Variants in UBE3A observed in about 807,000 individuals in gnomAD.
UBE3A encodes the protein ubiquitin-protein ligase E3A.
In UBE3A, 6 loss-of-function variants were observed where a neutral mutation model predicts 83.4. The ratio of observed to expected loss-of-function variants is 0.07; its 90% CI spans 0.04 to 0.14. The LOEUF (loss-of-function observed/expected upper bound fraction) is 0.14. Ranked by LOEUF, UBE3A falls within the 10% of genes least tolerant of loss-of-function variation. UBE3A has a pLI of 1.00. For synonymous variants in UBE3A, 337 were observed against 355.4 expected (o/e 0.95, Z 0.58); for missense variants, 456 against 1,036.1 (o/e 0.44, Z 7.69).
chr15:25,357,851 T>C (rs1378604069), intron 7 of UBE3A, among the ~76,000 whole-genome samples: 1 of 151,630 alleles, frequency 6.6e-6, no homozygotes, highest in Non-Finnish European at 1.5e-5. Context: ...AGTAGTTTCG[T>C]AGTCTTTCAA....
intron 11 of UBE3A, chr15:25,347,112 A>G (rs1310865248): frequency 2.0e-5 from 3 of 152,230 alleles, no homozygotes; most frequent in Non-Finnish European, 4.4e-5. Flanking sequence ...AGACTGGCTA[A>G]TGGAAGTAAT....
At chr15:25,380,271 T>C (rs888696631) in intron 4 of UBE3A, among the ~76,000 whole-genome samples, 7 of 152,138 alleles carry the variant, frequency 4.6e-5, no homozygotes, top group Non-Finnish European at 8.8e-5. Context: ...GGTACGTCTT[T>C]ATCAGCAGCG....
At chr15:25,376,478 T>G (rs1402413631) in intron 4 of UBE3A, among the ~76,000 whole-genome samples, 1 of 151,810 alleles carries the variant, frequency 6.6e-6, no homozygotes, top group African/African-American at 2.4e-5. Context: ...GAGGCTACTC[T>G]CTACAAACTT....
At position 25,426,559 on chromosome 15, in the gene UBE3A, CT is replaced by C. The variant is rs1377964719; in HGVS notation, c.-165+11929del. ...TAGCTACATTATTTTCAAGTTTAATCTGTTACATTCACCTGCCTATCAAATA... is the reference window on the plus strand; with the variant it reads ...TAGCTACATTATTTTCAAGTTTAATCGTTACATTCACCTGCCTATCAAATA... On this transcript the variant is annotated intron_variant, in intron 1 of 12. Transcript: ENST00000648336. Among the ~76,000 whole-genome samples, 16 of 152,300 alleles carry C rather than the reference CT, an allele frequency of 1.1e-4. No individual in the cohort carries two copies. The East Asian group carries it at 3.1e-3, about 29-fold the overall frequency.
intron 1 of UBE3A, among the ~76,000 whole-genome samples, chr15:25,415,512 T>C (rs908295811): frequency 2.0e-5 from 3 of 152,128 alleles, no homozygotes; most frequent in Admixed American, 6.6e-5. Flanking sequence ...CACTCGGAAA[T>C]GGTCCTCTAT....
chr15:25,336,199 G>A lies in UBE3A; in HGVS notation c.*2938C>T, dbSNP rs1177562172. On this transcript the variant is annotated 3_prime_UTR_variant, in exon 13 of 13. Coordinates refer to ENST00000648336, the MANE Select transcript of UBE3A (RefSeq NM_130839.5). Reference sequence around the variant, plus strand: ...AAAGGAGACAAGTGAGGGAGCAAATGGAAGGTGTGTTTTTGGATTATACAG... The same window carrying A: ...AAAGGAGACAAGTGAGGGAGCAAATAGAAGGTGTGTTTTTGGATTATACAG... 12 of 152,212 alleles carry A rather than the reference G, an allele frequency of 7.9e-5. No individual in the cohort carries two copies. Among genetic ancestry groups the A allele is most frequent in the Admixed American group, 7.9e-4 (12 of 15,268 alleles). The allele number at this position is 152,212 out of a possible 1,614,324, so 9.4% of individuals were successfully genotyped here.
intron 1 of UBE3A, among the ~76,000 whole-genome samples, chr15:25,431,069 C>T (rs1291455956): frequency 1.3e-5 from 2 of 152,262 alleles, no homozygotes; most frequent in East Asian, 1.9e-4. Flanking sequence ...TAGCTCAGTT[C>T]GTCTAATACA....
In UBE3A at chr15:25,356,987, T is replaced by A. The variant is rs903491583; in HGVS notation, c.1754-91A>T. On this transcript the variant is annotated intron_variant, in intron 7 of 12. Transcript: ENST00000648336. ...AATATAAACTTAAAATAATTATGCATATAAAACATTTAAAATATATGTAAT... is the reference window on the plus strand; with the variant it reads ...AATATAAACTTAAAATAATTATGCAAATAAAACATTTAAAATATATGTAAT... 3 of 1,087,408 alleles carry A rather than the reference T, an allele frequency of 2.8e-6. No individual in the cohort carries two copies. In the African/African-American group the frequency reaches 4.8e-5, roughly 17 times the overall value. The allele number at this position is 1,087,408 out of a possible 1,614,324, so 67.4% of individuals were successfully genotyped here. A position where few individuals can be genotyped will look rare whatever the true frequency, so the allele number is the denominator to read the frequency against.
intron 6 of UBE3A, among the ~76,000 whole-genome samples, chr15:25,363,384 C>T (rs560811786): frequency 6.6e-6 from 1 of 152,218 alleles, no homozygotes; most frequent in African/African-American, 2.4e-5. Context: ...TTTCTGAAAA[C>T]CTACCATAGC....
At chr15:25,435,871 C>T (rs1894912865) in intron 1 of UBE3A, among the ~76,000 whole-genome samples, 1 of 152,160 alleles carries the variant, frequency 6.6e-6, no homozygotes, top group Non-Finnish European at 1.5e-5. Context: ...GGATAACATG[C>T]TGTAGTCCAC....
chr15:25,391,524 C>G (rs2084383316), intron 4 of UBE3A: 1 of 152,160 alleles, frequency 6.6e-6, no homozygotes, highest in African/African-American at 2.4e-5. Context: ...CCATTGTTTT[C>G]TTTACCTCTT....
In UBE3A at chr15:25,334,330, G is replaced by A. The variant is rs1264701913; in HGVS notation, c.*4807C>T. ...TAATCATATAATTAAAGTGGCATCAGTAAAATACTTAGAAAAAAATTAAAG... is the reference window on the plus strand; with the variant it reads ...TAATCATATAATTAAAGTGGCATCAATAAAATACTTAGAAAAAAATTAAAG... On this transcript the variant is annotated 3_prime_UTR_variant, in exon 13 of 13. Transcript: ENST00000648336. 6.6e-6 allele frequency: 1 copy of A among 151,938 alleles called. No individual in the cohort carries two copies. Among genetic ancestry groups the A allele is most frequent in the Admixed American group, 6.6e-5 (1 of 15,256 alleles). 9.4% of individuals were successfully genotyped at this position (151,938 alleles called of 1,614,324 possible).
intron 4 of UBE3A, among the ~76,000 whole-genome samples, chr15:25,392,603 A>G (rs2084656672): frequency 6.6e-6 from 1 of 152,184 alleles, no homozygotes; most frequent in South Asian, 2.1e-4. Flanking sequence ...AGAGATGACT[A>G]CAGAGGAATA....
chr15:25,354,468 A>G lies in UBE3A; in HGVS notation c.2281-42T>C, dbSNP rs543571933. ...ATATGTCTTAGTTATCTGCTATACTACTGTATCATTACAAACAATAAATCG... is the reference window on the plus strand; with the variant it reads ...ATATGTCTTAGTTATCTGCTATACTGCTGTATCATTACAAACAATAAATCG... On this transcript the variant is annotated intron_variant, in intron 10 of 12. Coordinates refer to ENST00000648336, the MANE Select transcript of UBE3A (RefSeq NM_130839.5). 1.0e-4 allele frequency: 166 copies of G among 1,611,224 alleles called. No homozygotes were observed. The African/African-American group carries it at 2.0e-3, about 19-fold the overall frequency.
Position 25,373,091 on chromosome 15 carries a change from T to C in UBE3A, c.362-1279A>G, listed in dbSNP as rs1391033335. 3.3e-5 allele frequency among the ~76,000 whole-genome samples: 5 copies of C among 152,212 alleles called. No individual in the cohort carries two copies. In the East Asian group the frequency reaches 7.7e-4, roughly 23 times the overall value. On this transcript the variant is annotated intron_variant, in intron 5 of 12. Coordinates refer to ENST00000648336, the MANE Select transcript of UBE3A (RefSeq NM_130839.5). ...TAAGAACTAATTCTCAGGTTTGTTC[T>C]ATTAAGAATATATAAGCATCTTTTG...
intron 4 of UBE3A, among the ~76,000 whole-genome samples, chr15:25,389,963 C>T (rs1040816669): frequency 5.3e-5 from 8 of 152,124 alleles, no homozygotes; most frequent in African/African-American, 1.7e-4. Flanking sequence ...AGAAAACAAA[C>T]AACCCAATTA....
At chr15:25,375,368 T>TTA in intron 5 of UBE3A, 97 bp downstream of exon 5, 1 of 1,426,974 alleles carries the variant, frequency 7.0e-7, no homozygotes, top group East Asian at 2.5e-5. Context: ...CAAAATGTCT[T>TTA]TATGTCACAG....
chr15:25,426,156 C>G (rs7496951), intron 1 of UBE3A, among the ~76,000 whole-genome samples: 94,381 of 152,086 alleles, frequency 0.62, 32,785 homozygotes, highest in Non-Finnish European at 0.78. Context: ...TGTTTTATTA[C>G]ATGACTTACC....
At chr15:25,418,799 T>TA (rs1463649402) in intron 1 of UBE3A, 5 of 152,160 alleles carry the variant, frequency 3.3e-5, no homozygotes, top group African/African-American at 1.2e-4. Flanking sequence ...TGGTGGAGTC[T>TA]ATGGCCCTTC....
Sources: allele counts gnomAD v4.1 joint callset (sites outside exome capture counted in the v4.1 genomes callset), GRCh38; gene constraint gnomAD v4.1.1; transcripts MANE v1.5; gene names NCBI Gene and HGNC (gene_info 2026-07-23, HGNC 2026-07-21).